Variants in SUGCT observed in about 807,000 individuals in gnomAD.
SUGCT encodes succinyl-CoA:glutarate CoA-transferase.
A neutral mutation model predicts 55.0 loss-of-function variants in SUGCT; 41 were observed. The observed-to-expected ratio is 0.74, with a 90% CI of 0.58 to 0.97. SUGCT has a LOEUF of 0.97. Ranked by LOEUF, SUGCT falls within the 50% of genes least tolerant of loss-of-function variation. The pLI is 0.00. For missense variants in SUGCT, 568 were observed against 547.8 expected, an observed-to-expected ratio of 1.04 and a Z score of -0.37; for synonymous variants, 187 against 200.4, an observed-to-expected ratio of 0.93 and a Z score of 0.56.
At chr7:40,950,066 T>A in the SUGCT span, among the ~76,000 whole-genome samples, 1 of 152,234 alleles carries the variant, frequency 6.6e-6, no homozygotes, top group Non-Finnish European at 1.5e-5. Flanking sequence ...ATTTTCACAA[T>A]ATTGATTCTT....
chr7:40,430,982 G>C (rs1441066527), intron 9 of SUGCT, among the ~76,000 whole-genome samples: 2 of 152,010 alleles, frequency 1.3e-5, no homozygotes, highest in African/African-American at 4.8e-5. Flanking sequence ...GCTGGGCGTG[G>C]TGGCACATGC....
At chr7:40,890,624 T>C in the SUGCT span, among the ~76,000 whole-genome samples, 1 of 152,142 alleles carries the variant, frequency 6.6e-6, no homozygotes, top group Non-Finnish European at 1.5e-5. Context: ...ACAGCAAGCC[T>C]GCCCACAAGC....
the SUGCT span, among the ~76,000 whole-genome samples, chr7:40,946,900 G>T: frequency 6.6e-6 from 1 of 152,040 alleles, no homozygotes; most frequent in Non-Finnish European, 1.5e-5. Flanking sequence ...TCTCTCTTTG[G>T]TTTATCCTTT....
chr7:40,524,581 A>C (rs1470658509), intron 12 of SUGCT, among the ~76,000 whole-genome samples: 2 of 151,696 alleles, frequency 1.3e-5, no homozygotes, highest in African/African-American at 4.8e-5. Context: ...TTTTCTGAAC[A>C]TTGTTTTTAA....
the SUGCT span, among the ~76,000 whole-genome samples, chr7:40,939,542 A>T: frequency 6.6e-6 from 1 of 151,962 alleles, no homozygotes; most frequent in Non-Finnish European, 1.5e-5. Flanking sequence ...CACCCATGCC[A>T]ACATCTGTTG....
At chr7:41,030,403 A>T in the SUGCT span, among the ~76,000 whole-genome samples, 1 of 152,116 alleles carries the variant, frequency 6.6e-6, no homozygotes, top group Non-Finnish European at 1.5e-5. Context: ...AGTTCATTTA[A>T]CCCTTCTGAT....
At chr7:40,924,834 T>C in the SUGCT span, among the ~76,000 whole-genome samples, 2 of 152,256 alleles carry the variant, frequency 1.3e-5, no homozygotes, top group African/African-American at 4.8e-5. Context: ...AGTACTTTAG[T>C]AAAGTCAAGG....
intron 12 of SUGCT, among the ~76,000 whole-genome samples, chr7:40,589,550 C>T (rs926855076): frequency 6.6e-6 from 1 of 152,098 alleles, no homozygotes; most frequent in African/African-American, 2.4e-5. Context: ...AGGCAGAGCC[C>T]TCAATATGTA....
intron 9 of SUGCT, among the ~76,000 whole-genome samples, chr7:40,419,641 T>C (rs1787199835): frequency 6.6e-6 from 1 of 152,140 alleles, no homozygotes. Context: ...CTTTGTGAAG[T>C]TGTAGCTCAG....
intron 9 of SUGCT, among the ~76,000 whole-genome samples, chr7:40,321,918 C>T (rs1795777185): frequency 6.6e-6 from 1 of 152,062 alleles, no homozygotes; most frequent in Admixed American, 6.5e-5. Context: ...TTTTTGAGAT[C>T]TTGATTTTTT....
At chr7:40,562,791 C>A (rs751027792) in intron 12 of SUGCT, among the ~76,000 whole-genome samples, 9 of 152,108 alleles carry the variant, frequency 5.9e-5, no homozygotes, top group Non-Finnish European at 1.2e-4. Flanking sequence ...TGATGAACTC[C>A]AAGGTTTGTG....
At chr7:40,949,565 C>G in the SUGCT span, among the ~76,000 whole-genome samples, 1 of 152,158 alleles carries the variant, frequency 6.6e-6, no homozygotes, top group Admixed American at 6.5e-5. Context: ...CCTAGGTTTT[C>G]TTCTAGGGTT....
chr7:40,324,168 C>A (rs1036085335), intron 9 of SUGCT, among the ~76,000 whole-genome samples: 1 of 150,800 alleles, frequency 6.6e-6, no homozygotes, highest in African/African-American at 2.4e-5. Context: ...AAGGGCATTG[C>A]ATCTGCATTT....
intron 8 of SUGCT, among the ~76,000 whole-genome samples, chr7:40,290,033 A>G (rs969313952): frequency 1.1e-4 from 17 of 152,150 alleles, no homozygotes; most frequent in Non-Finnish European, 2.4e-4. Context: ...AGAACATTCC[A>G]CGCTCATGGA....
At chr7:40,472,785 G>A (rs1167377503) in intron 11 of SUGCT, among the ~76,000 whole-genome samples, 2 of 152,112 alleles carry the variant, frequency 1.3e-5, no homozygotes, top group Non-Finnish European at 2.9e-5. Flanking sequence ...ATATAGGTAA[G>A]AAGTGCCTTC....
chr7:40,319,730 A>C lies in SUGCT; in HGVS notation c.816+2875A>C, dbSNP rs534270769. Among the ~76,000 whole-genome samples the C allele has an allele frequency of 2.0e-5, 3 of 152,334 alleles. No homozygotes were observed. The South Asian group carries it at 6.2e-4, about 32-fold the overall frequency. On this transcript the variant is annotated intron_variant, in intron 9 of 13. Transcript: ENST00000335693. Reference sequence around the variant, plus strand: ...CTTTGGCTGCCAGCTTTTTAAGATTAAGTAAGTTAGACAAACGTAGACAGA... The same window carrying C: ...CTTTGGCTGCCAGCTTTTTAAGATTCAGTAAGTTAGACAAACGTAGACAGA...
chr7:40,750,967 G>A (rs535146963), intron 13 of SUGCT, among the ~76,000 whole-genome samples: 7 of 152,224 alleles, frequency 4.6e-5, no homozygotes, highest in African/African-American at 1.4e-4. Flanking sequence ...TGGCCACCTG[G>A]AACTGATACT....
intron 13 of SUGCT, among the ~76,000 whole-genome samples, chr7:40,815,655 A>C (rs559914894): frequency 6.6e-6 from 1 of 152,260 alleles, no homozygotes; most frequent in South Asian, 2.1e-4. Flanking sequence ...GGATCTCTGC[A>C]TAGGAAGGGT....
chr7:40,195,000 G>C lies in SUGCT; in HGVS notation c.424G>C (p.Gly142Arg). The change falls in exon 6 of 14, where the codon GGC becomes CGC. Residue 142 changes from glycine (G) to arginine (R), a missense_variant. By Grantham distance (125) the Gly-to-Arg change is moderately radical. Transcript: ENST00000335693. ...TGTCCCTGGCAAACTGTCTGCAATG[G>C]GCCTGGGATATGAAGATATAGACGA... Reference protein sequence around the residue: ...NYVPGKLSAMGLGYEDIDEIA... With the variant: ...NYVPGKLSAMRLGYEDIDEIA... The C allele has an allele frequency of 3.7e-6, 6 of 1,613,806 alleles. No individual in the cohort carries two copies. Among genetic ancestry groups the C allele is most frequent in the Non-Finnish European group, 5.1e-6 (6 of 1,179,822 alleles).
Sources: gnomAD v4.1 joint callset for allele counts (sites outside exome capture counted in the v4.1 genomes callset) on GRCh38, gnomAD v4.1.1 for gene constraint, MANE v1.5 for transcripts, NCBI Gene and HGNC (gene_info 2026-07-23, HGNC 2026-07-21) for gene names.